CSMD1: variants seen among roughly 807,000 people sequenced by gnomAD.
CSMD1 encodes CUB and Sushi multiple domains 1, also known as CUB and sushi domain-containing protein 1.
In CSMD1, 213 loss-of-function variants were observed where a neutral mutation model predicts 417.5. The ratio of observed to expected loss-of-function variants is 0.51; its 90% CI spans 0.46 to 0.57. CSMD1 has a LOEUF of 0.57. Ranked by LOEUF, CSMD1 falls within the 20% of genes least tolerant of loss-of-function variation. The pLI, the probability that CSMD1 is intolerant of heterozygous loss-of-function variation, is 0.00. For missense variants in CSMD1, 6,923 were observed against 4,529.7 expected (o/e 1.53, Z -15.17); for synonymous variants, 2,862 against 1,736.8 (o/e 1.65, Z -16.11).
intron 1 of CSMD1, among the ~76,000 whole-genome samples, chr8:4,683,094 G>A (rs1371359800): frequency 1.3e-5 from 2 of 150,392 alleles, no homozygotes; most frequent in Non-Finnish European, 3.0e-5. Flanking sequence ...ATTAAGAGAA[G>A]TTTCAATTTG....
At chr8:3,620,664 T>A (rs1802379496) in intron 7 of CSMD1, among the ~76,000 whole-genome samples, 1 of 151,774 alleles carries the variant, frequency 6.6e-6, no homozygotes, top group Non-Finnish European at 1.5e-5. Context: ...ATAGAATATG[T>A]AAAAAAGAAA....
Position 4,464,618 on chromosome 8 carries a change from A to T in CSMD1, c.303-44553T>A, listed in dbSNP as rs188669000. On this transcript the variant is annotated intron_variant, in intron 2 of 69. Transcript: ENST00000635120. ...CGTGTTATTACTTTCACGCTATTGTAAAAGGGTAAGAGTCCCAAGTTGAAC... is the reference window on the plus strand; with the variant it reads ...CGTGTTATTACTTTCACGCTATTGTTAAAGGGTAAGAGTCCCAAGTTGAAC... Among the ~76,000 whole-genome samples the T allele has an allele frequency of 1.6e-3, 249 of 152,304 alleles. 1 individual carries two copies. The highest frequency in any genetic ancestry group is 5.6e-3 in the African/African-American group (231 of 41,566).
intron 10 of CSMD1, among the ~76,000 whole-genome samples, chr8:3,541,653 T>A (rs10091819): frequency 0.039 from 5,887 of 149,768 alleles, 336 homozygotes; most frequent in African/African-American, 0.12. Context: ...ATCAAATTAA[T>A]CAAAATATTT....
rs537597078 is a variant in CSMD1, at chr8:3,502,810, CCA to C, written c.1345-9086_1345-9085del. Among the ~76,000 whole-genome samples the C allele has an allele frequency of 4.8e-4, 73 of 152,300 alleles. 1 individual carries two copies. In the South Asian group the frequency reaches 0.015, roughly 30 times the overall value. ...ACTGACTTTATACAGTTGCCCAAATCCACAGAGTAAATAGCAGCCGGAGTGAG... is the reference window on the plus strand; with the variant it reads ...ACTGACTTTATACAGTTGCCCAAATCCAGAGTAAATAGCAGCCGGAGTGAG... On this transcript the variant is annotated intron_variant, in intron 10 of 69. Transcript: ENST00000635120.
At chr8:3,702,873 G>T (rs1214404625) in intron 7 of CSMD1, among the ~76,000 whole-genome samples, 3 of 152,084 alleles carry the variant, frequency 2.0e-5, no homozygotes, top group Non-Finnish European at 4.4e-5. Flanking sequence ...AATTTCTTTG[G>T]TATTGAAATA....
chr8:4,789,722 A>T (rs1195033565), intron 1 of CSMD1, among the ~76,000 whole-genome samples: 2 of 152,184 alleles, frequency 1.3e-5, no homozygotes, highest in Non-Finnish European at 1.5e-5. Flanking sequence ...ATAAAGGTTG[A>T]TTGTATAGCA....
At chr8:3,939,734 G>A (rs1247692332) in intron 5 of CSMD1, among the ~76,000 whole-genome samples, 1 of 152,076 alleles carries the variant, frequency 6.6e-6, no homozygotes, top group Non-Finnish European at 1.5e-5. Flanking sequence ...GGATGAACCT[G>A]GAGACCATTA....
intron 52 of CSMD1, among the ~76,000 whole-genome samples, chr8:3,006,802 C>A (rs1807945318): frequency 6.6e-6 from 1 of 150,734 alleles, no homozygotes; most frequent in Non-Finnish European, 1.5e-5. Context: ...AAACGTTAGA[C>A]CTAAAACCAT....
At chr8:3,280,689 T>C (rs1466095450) in intron 26 of CSMD1, among the ~76,000 whole-genome samples, 5 of 148,344 alleles carry the variant, frequency 3.4e-5, no homozygotes, top group African/African-American at 9.9e-5. Context: ...TTTCATATGA[T>C]TCAAACTAGT....
chr8:4,419,828 C>A (rs1033113112), intron 3 of CSMD1, 125 bp downstream of exon 3: 2 of 627,532 alleles, frequency 3.2e-6, no homozygotes, highest in East Asian at 3.0e-5. Flanking sequence ...TACACAGAAG[C>A]CAAATGTCTA....
chr8:3,582,644 G>A (rs1178762080), intron 9 of CSMD1, among the ~76,000 whole-genome samples: 2 of 152,090 alleles, frequency 1.3e-5, no homozygotes, highest in Admixed American at 6.5e-5. Flanking sequence ...GGTCTGAGAT[G>A]AGCTATGCTC....
intron 3 of CSMD1, among the ~76,000 whole-genome samples, chr8:4,134,746 T>G (rs745835880): frequency 6.6e-6 from 1 of 152,206 alleles, no homozygotes; most frequent in African/African-American, 2.4e-5. Context: ...CTGACATTCA[T>G]GTCTCCAATA....
intron 36 of CSMD1, among the ~76,000 whole-genome samples, chr8:3,182,322 C>G (rs1328000509): frequency 6.6e-6 from 1 of 152,192 alleles, no homozygotes; most frequent in Non-Finnish European, 1.5e-5. Context: ...TCTTGGGATT[C>G]TCCTGCCTCA....
intron 4 of CSMD1, among the ~76,000 whole-genome samples, chr8:4,008,832 G>C (rs191211251): frequency 6.6e-6 from 1 of 151,668 alleles, no homozygotes; most frequent in Non-Finnish European, 1.5e-5. Context: ...GGATGGTCTC[G>C]ATCTCCTGAC....
At chr8:3,878,095 C>T (rs566040788) in intron 5 of CSMD1, among the ~76,000 whole-genome samples, 1 of 152,198 alleles carries the variant, frequency 6.6e-6, no homozygotes, top group South Asian at 2.1e-4. Flanking sequence ...CTATCAGCTT[C>T]TGCCTGTCTT....
intron 54 of CSMD1, among the ~76,000 whole-genome samples, chr8:2,994,301 G>C (rs972532365): frequency 1.3e-5 from 2 of 152,044 alleles, no homozygotes; most frequent in African/African-American, 2.4e-5. Flanking sequence ...GTCATTCTAC[G>C]AGACATACAA....
At chr8:4,647,798 CTTT>C (rs1401377037) in intron 1 of CSMD1, among the ~76,000 whole-genome samples, 1 of 152,098 alleles carries the variant, frequency 6.6e-6, no homozygotes, top group Admixed American at 6.6e-5. Context: ...ACTGGATTTT[CTTT>C]TTTCCAGTCT....
At chr8:3,461,914 G>C (rs1016840819) in intron 12 of CSMD1, among the ~76,000 whole-genome samples, 2 of 152,228 alleles carry the variant, frequency 1.3e-5, no homozygotes, top group Admixed American at 6.5e-5. Context: ...AACTAGCCCA[G>C]CTGAGAGGCC....
intron 2 of CSMD1, among the ~76,000 whole-genome samples, chr8:4,527,022 T>A (rs1318500905): frequency 6.6e-6 from 1 of 152,208 alleles, no homozygotes; most frequent in Non-Finnish European, 1.5e-5. Flanking sequence ...GCTATTGAGC[T>A]GTATAATATT....
Sources: gnomAD v4.1 joint callset for allele counts (sites outside exome capture counted in the v4.1 genomes callset) on GRCh38, gnomAD v4.1.1 for gene constraint, MANE v1.5 for transcripts, NCBI Gene and HGNC (gene_info 2026-07-23, HGNC 2026-07-21) for gene names.